The following MAP2K1 variants were observed in gnomAD, a reference collection of about 807,000 sequenced individuals.
The protein encoded by MAP2K1 is mitogen-activated protein kinase kinase 1, also known as dual specificity mitogen-activated protein kinase kinase 1.
A neutral mutation model predicts 46.3 loss-of-function variants in MAP2K1; 16 were observed. That is an observed-to-expected ratio of 0.35 (90% CI 0.23 to 0.52). The LOEUF (loss-of-function observed/expected upper bound fraction) is 0.52, where lower values mean the gene tolerates loss of function less well. Ranked by LOEUF, MAP2K1 falls within the 20% of genes least tolerant of loss-of-function variation. MAP2K1 has a pLI of 0.94. For missense variants in MAP2K1, 263 were observed against 497.1 expected (o/e 0.53, Z 4.48); for synonymous variants, 183 against 185.6 (o/e 0.99, Z 0.11).
Position 66,469,495 on chromosome 15 carries a change from T to TG in MAP2K1, c.569-12260_569-12259insG. Among the ~76,000 whole-genome samples, 7 of 145,848 alleles carry TG rather than the reference T, an allele frequency of 4.8e-5. No individual in the cohort carries two copies. In the South Asian group the frequency reaches 6.5e-4, roughly 14 times the overall value. On this transcript the variant is annotated intron_variant, in intron 5 of 10. Coordinates refer to ENST00000307102, the MANE Select transcript of MAP2K1 (RefSeq NM_002755.4). Reference sequence around the variant, plus strand: ...TCCTTTTTTTTTTTTTTTTTTTTTTTTTTTGTTGAGGAACTCCAGGCTATT... The same window carrying TG: ...TCCTTTTTTTTTTTTTTTTTTTTTTTGTTTTGTTGAGGAACTCCAGGCTATT...
intron 1 of MAP2K1, among the ~76,000 whole-genome samples, chr15:66,409,698 G>C (rs1208402255): frequency 1.3e-5 from 2 of 152,172 alleles, no homozygotes; most frequent in Non-Finnish European, 2.9e-5. Flanking sequence ...TCACACTTCA[G>C]CAGAACTCAC....
chr15:66,468,733 C>T (rs1254579207), intron 5 of MAP2K1, among the ~76,000 whole-genome samples: 1 of 151,860 alleles, frequency 6.6e-6, no homozygotes, highest in Non-Finnish European at 1.5e-5. Flanking sequence ...GAGTTCAAGA[C>T]CAGCCTGGCC....
intron 1 of MAP2K1, among the ~76,000 whole-genome samples, chr15:66,402,950 CT>C (rs1248751432): frequency 6.6e-6 from 1 of 152,122 alleles, no homozygotes; most frequent in East Asian, 1.9e-4. Flanking sequence ...GGGCCAGGGA[CT>C]TTTCTGTTCT....
chr15:66,431,546 CT>C (rs1265996862), intron 1 of MAP2K1, among the ~76,000 whole-genome samples: 6 of 152,220 alleles, frequency 3.9e-5, no homozygotes, highest in Non-Finnish European at 8.8e-5. Context: ...CTTTTCTCCA[CT>C]TCCACTCCTC....
rs770040428 is a variant in MAP2K1, at chr15:66,481,742, C to T, written c.569-13C>T. On this transcript the variant is annotated splice_polypyrimidine_tract_variant and intron_variant, in intron 5 of 10. Coordinates refer to ENST00000307102, the MANE Select transcript of MAP2K1 (RefSeq NM_002755.4). ...TGTCAGTTCCCTCCTTTTCTATTTT[C>T]TCTTCCCTGCAGATGTCAAGCCCTC... 2.5e-5 allele frequency: 41 copies of T among 1,611,504 alleles called. No homozygotes were observed. The East Asian group carries it at 8.2e-4, about 32-fold the overall frequency.
At chr15:66,489,325 G>C in intron 9 of MAP2K1, 49 bp downstream of exon 9, 1 of 1,528,796 alleles carries the variant, frequency 6.5e-7, no homozygotes, top group East Asian at 2.2e-5. Flanking sequence ...GATTTGTCAG[G>C]CTCCCCACCC....
At chr15:66,449,017 A>AC (rs1891957602) in intron 5 of MAP2K1, among the ~76,000 whole-genome samples, 1 of 150,892 alleles carries the variant, frequency 6.6e-6, no homozygotes, top group Admixed American at 6.6e-5. Flanking sequence ...AAAAAAAAAA[A>AC]AAAAAAAAAA....
chr15:66,446,427 T>G (rs1031006660), intron 5 of MAP2K1: 20 of 160,736 alleles, frequency 1.2e-4, no homozygotes, highest in Non-Finnish European at 2.0e-4. Context: ...GGCGACAGAG[T>G]GAGACTCCGT....
At chr15:66,488,427 G>A (rs962190865) in intron 8 of MAP2K1, among the ~76,000 whole-genome samples, 2 of 152,172 alleles carry the variant, frequency 1.3e-5, no homozygotes, top group African/African-American at 2.4e-5. Context: ...ATTTTGGGCT[G>A]TACATCAGAG....
At position 66,480,142 on chromosome 15, in the gene MAP2K1, G is replaced by A. The variant is rs140626105; in HGVS notation, c.569-1613G>A. On this transcript the variant is annotated intron_variant, in intron 5 of 10. Coordinates refer to ENST00000307102, the MANE Select transcript of MAP2K1 (RefSeq NM_002755.4). ...CTGGCTCTGTCACCCAGGCTGGAGT[G>A]CAATGGCATGATGTCGGCTCACCAC... is the stretch of plus-strand genomic sequence containing the variant. 5.3e-3 allele frequency among the ~76,000 whole-genome samples: 812 copies of A among 152,092 alleles called. 31 individuals are homozygous for A. The East Asian group carries it at 0.083, about 16-fold the overall frequency.
chr15:66,406,720 C>G (rs943385347), intron 1 of MAP2K1, among the ~76,000 whole-genome samples: 2 of 152,074 alleles, frequency 1.3e-5, no homozygotes, highest in Admixed American at 1.3e-4. Flanking sequence ...AGGGCAGGAG[C>G]AGAAAGGACT....
intron 1 of MAP2K1, among the ~76,000 whole-genome samples, chr15:66,393,034 C>T (rs922011612): frequency 1.3e-5 from 2 of 152,200 alleles, no homozygotes; most frequent in African/African-American, 4.8e-5. Context: ...CTCAAACAGT[C>T]ATGACCATGC....
At position 66,472,264 on chromosome 15, in the gene MAP2K1, A is replaced by G. The variant is rs1402623717; in HGVS notation, c.569-9491A>G. ...AGTTGTAGTGAGCTGAGATCGTGCT[A>G]CTGCACTCCAGCCTGGGCGACAGTG... On this transcript the variant is annotated intron_variant, in intron 5 of 10. Transcript: ENST00000307102. Among the ~76,000 whole-genome samples the G allele has an allele frequency of 2.0e-5, 3 of 151,308 alleles. No individual in the cohort carries two copies. The East Asian group carries it at 5.8e-4, about 29-fold the overall frequency.
intron 1 of MAP2K1, among the ~76,000 whole-genome samples, chr15:66,403,099 T>C (rs2093386303): frequency 6.6e-6 from 1 of 152,132 alleles, no homozygotes; most frequent in African/African-American, 2.4e-5. Context: ...TAGAGAGGTG[T>C]GAATTTGCCA....
At chr15:66,449,122 C>T (rs1240845828) in intron 5 of MAP2K1, among the ~76,000 whole-genome samples, 1 of 151,702 alleles carries the variant, frequency 6.6e-6, no homozygotes, top group African/African-American at 2.4e-5. Context: ...GAACTGCACT[C>T]CTTGGCATTT....
At chr15:66,400,723 A>G (rs1360581898) in intron 1 of MAP2K1, among the ~76,000 whole-genome samples, 1 of 152,136 alleles carries the variant, frequency 6.6e-6, no homozygotes, top group African/African-American at 2.4e-5. Flanking sequence ...TTGAAATAGC[A>G]GGTGTTTTCT....
intron 5 of MAP2K1, among the ~76,000 whole-genome samples, chr15:66,448,875 A>T (rs918871568): frequency 6.6e-6 from 1 of 152,116 alleles, no homozygotes; most frequent in African/African-American, 2.4e-5. Context: ...GTGGTGGCGG[A>T]TGCCTATAAT....
Position 66,444,677 on chromosome 15 carries a change from C to T in MAP2K1, c.538C>T (p.Leu180=), listed in dbSNP as rs1176246910. 6.2e-7 allele frequency: 1 copy of T among 1,612,632 alleles called. No homozygotes were observed. Among genetic ancestry groups the T allele is most frequent in the Non-Finnish European group, 8.5e-7 (1 of 1,178,702 alleles). The change falls in exon 5 of 11, where the codon CTG becomes TTG. Residue 180 remains leucine (L), a synonymous_variant. Transcript: ENST00000307102. ...SIAVIKGLTY[L]REKHKIMHRD... is the part of the protein sequence containing the mutation. The stretch of plus-strand genomic sequence containing the variant: ...CTAGGTAATAAAAGGCCTGACATAT[C>T]TGAGGGAGAAGCACAAGATCATGCA...
chr15:66,466,405 G>T (rs777157637), intron 5 of MAP2K1, among the ~76,000 whole-genome samples: 1 of 152,170 alleles, frequency 6.6e-6, no homozygotes, highest in Admixed American at 6.5e-5. Context: ...CTGGCTGGGC[G>T]TGGTGGCTCA....
Sources: allele counts gnomAD v4.1 joint callset (sites outside exome capture counted in the v4.1 genomes callset), GRCh38; gene constraint gnomAD v4.1.1; transcripts MANE v1.5; gene names NCBI Gene and HGNC (gene_info 2026-07-23, HGNC 2026-07-21).